Variants in PARN observed in about 807,000 individuals in gnomAD.
PARN encodes the protein poly(A)-specific ribonuclease.
PARN carries 71 observed loss-of-function variants against 102.8 expected under a neutral mutation model. The observed-to-expected ratio is 0.69, with a 90% confidence interval of 0.57 to 0.84. PARN has a LOEUF of 0.84. Among genes scored for constraint, PARN ranks in the 40% least tolerant of loss-of-function variants. The probability of loss-of-function intolerance (pLI) is 0.00; values close to 1 mark genes in which losing one functional copy is unlikely to be tolerated. For missense variants in PARN, 782 were observed against 760.9 expected (o/e 1.03, Z -0.33); for synonymous variants, 261 against 252.9 (o/e 1.03, Z -0.30).
chr16:14,584,552 G>T lies in PARN; in HGVS notation c.1006-130C>A, dbSNP rs946468529. 15 of 821,848 alleles carry T rather than the reference G, an allele frequency of 1.8e-5. No homozygotes were observed. In the Admixed American group the frequency reaches 3.1e-4, roughly 17 times the overall value. 50.9% of individuals were successfully genotyped at this position (821,848 alleles called of 1,614,324 possible). ...TCCTTGTGTTCTTTAAAGAAACACA[G>T]AAGTCTTCGTTTTTTTCAATGTGAA... is the stretch of plus-strand genomic sequence containing the variant. On this transcript the variant is annotated intron_variant, in intron 15 of 23. Coordinates refer to ENST00000437198, the MANE Select transcript of PARN (RefSeq NM_002582.4).
At chr16:14,532,096 T>A (rs1373585655) in intron 21 of PARN, among the ~76,000 whole-genome samples, 1 of 151,826 alleles carries the variant, frequency 6.6e-6, no homozygotes, top group African/African-American at 2.4e-5. Context: ...ATATAAAACT[T>A]GCTTTAACCA....
chr16:14,589,409 A>T (rs979991895), intron 13 of PARN, among the ~76,000 whole-genome samples: 1 of 151,552 alleles, frequency 6.6e-6, no homozygotes, highest in African/African-American at 2.4e-5. Context: ...CAAAACTTTC[A>T]AAACAATTAG....
intron 18 of PARN, among the ~76,000 whole-genome samples, chr16:14,572,940 G>C (rs1437436264): frequency 6.6e-6 from 1 of 151,040 alleles, no homozygotes; most frequent in Non-Finnish European, 1.5e-5. Context: ...CAAAGCTGGA[G>C]TGCAGTGCTG....
intron 18 of PARN, among the ~76,000 whole-genome samples, chr16:14,577,332 C>T (rs1192413683): frequency 1.3e-5 from 2 of 152,244 alleles, no homozygotes; most frequent in Non-Finnish European, 2.9e-5. Context: ...AAATCACCTG[C>T]AAGTAAGTAA....
At chr16:14,610,059 AAAT>A (rs1971432700) in intron 7 of PARN, among the ~76,000 whole-genome samples, 1 of 152,192 alleles carries the variant, frequency 6.6e-6, no homozygotes, top group Admixed American at 6.5e-5. Context: ...AAAAAAAATA[AAAT>A]AAAATAAAAA....
At chr16:14,456,414 T>A (rs1171578462) in intron 22 of PARN, among the ~76,000 whole-genome samples, 1 of 152,034 alleles carries the variant, frequency 6.6e-6, no homozygotes, top group Non-Finnish European at 1.5e-5. Context: ...GCTCAACTGA[T>A]CCTCCCTCCT....
At chr16:14,555,079 T>C (rs1388632735) in intron 19 of PARN, among the ~76,000 whole-genome samples, 5 of 152,272 alleles carry the variant, frequency 3.3e-5, no homozygotes, top group South Asian at 4.1e-4. Context: ...CAGTATGTCC[T>C]CAAACTATCA....
intron 11 of PARN, among the ~76,000 whole-genome samples, chr16:14,603,451 C>T (rs1024374458): frequency 4.6e-5 from 7 of 152,064 alleles, no homozygotes; most frequent in East Asian, 1.9e-4. Context: ...TTCCCCCAAC[C>T]GATGTCACTC....
rs1964136227 is a variant in PARN, at chr16:14,493,020, A to G, written c.1481-10193T>C. ...AATCACAAATATATAATTCAGACAA[A>G]AAGAACTTTGCCAAAGCCAATATAA... On this transcript the variant is annotated intron_variant, in intron 21 of 23. Coordinates refer to ENST00000437198, the MANE Select transcript of PARN (RefSeq NM_002582.4). Among the ~76,000 whole-genome samples the G allele has an allele frequency of 2.0e-5, 3 of 152,206 alleles. No individual in the cohort carries two copies. In the South Asian group the frequency reaches 6.2e-4, roughly 31 times the overall value.
chr16:14,514,783 C>T (rs948390080), intron 21 of PARN, among the ~76,000 whole-genome samples: 6 of 152,194 alleles, frequency 3.9e-5, no homozygotes, highest in Admixed American at 1.3e-4. Context: ...GCTTGTCTTC[C>T]AGCTTCCCAA....
chr16:14,530,701 T>G (rs1183425523), intron 21 of PARN, among the ~76,000 whole-genome samples: 1 of 152,132 alleles, frequency 6.6e-6, no homozygotes, highest in Middle Eastern at 3.2e-3. Context: ...TCCGCCTTCG[T>G]TCATCACTCT....
chr16:14,563,522 G>GTATATATA lies in PARN; in HGVS notation c.1263-7814_1263-7813insTATATATA, dbSNP rs1555499416. Reference sequence around the variant, plus strand: ...TGTGTGTGTGTGTGTGTGTGTGTGTGTATATAATTCTTTTAAGTTCTGGGA... The same window carrying GTATATATA: ...TGTGTGTGTGTGTGTGTGTGTGTGTGTATATATATATATAATTCTTTTAAGTTCTGGGA... On this transcript the variant is annotated intron_variant, in intron 18 of 23. Coordinates refer to ENST00000437198, the MANE Select transcript of PARN (RefSeq NM_002582.4). Among the ~76,000 whole-genome samples, 529 of 149,254 alleles carry GTATATATA rather than the reference G, an allele frequency of 3.5e-3. 4 individuals are homozygous for GTATATATA. The highest frequency in any genetic ancestry group is 9.8e-3 in the African/African-American group (395 of 40,392).
At chr16:14,451,165 T>C (rs1961427479) in intron 22 of PARN, among the ~76,000 whole-genome samples, 1 of 152,128 alleles carries the variant, frequency 6.6e-6, no homozygotes, top group Non-Finnish European at 1.5e-5. Context: ...CCACCAGAAG[T>C]TTACTGGCCC....
At chr16:14,489,112 G>C (rs188797367) in intron 21 of PARN, among the ~76,000 whole-genome samples, 10 of 152,140 alleles carry the variant, frequency 6.6e-5, no homozygotes, top group African/African-American at 2.2e-4. Context: ...CATGGCGGGG[G>C]TGTGTATGAG....
At chr16:14,616,023 T>A (rs1971878885) in intron 6 of PARN, among the ~76,000 whole-genome samples, 1 of 152,196 alleles carries the variant, frequency 6.6e-6, no homozygotes, top group African/African-American at 2.4e-5. Context: ...AGTTCAGTTA[T>A]TTTTGTTGGG....
intron 21 of PARN, among the ~76,000 whole-genome samples, chr16:14,539,645 T>C (rs1445669967): frequency 6.6e-6 from 1 of 152,238 alleles, no homozygotes; most frequent in Non-Finnish European, 1.5e-5. Flanking sequence ...CAGTTGCTTT[T>C]ACAAGTTTTC....
In PARN at chr16:14,554,248, A is replaced by C. The variant is rs1967514979; in HGVS notation, c.1319-97T>G. ...AACTAAGTCTGAGCTAATTTGGAGAACTGTTATGAATTCCTCATGATTACC... is the reference window on the plus strand; with the variant it reads ...AACTAAGTCTGAGCTAATTTGGAGACCTGTTATGAATTCCTCATGATTACC... On this transcript the variant is annotated intron_variant, in intron 19 of 23. Transcript: ENST00000437198. 1.8e-5 allele frequency: 14 copies of C among 769,750 alleles called. No homozygotes were observed. The South Asian group carries it at 2.4e-4, about 13-fold the overall frequency. 47.7% of individuals were successfully genotyped at this position (769,750 alleles called of 1,614,324 possible).
At chr16:14,544,194 A>T (rs1367341474) in intron 21 of PARN, among the ~76,000 whole-genome samples, 1 of 152,186 alleles carries the variant, frequency 6.6e-6, no homozygotes, top group East Asian at 1.9e-4. Context: ...TCCATCTCAA[A>T]AAAAAGAAAA....
intron 12 of PARN, 113 bp from the exon 13 acceptor site, chr16:14,593,491 T>TAAAAAAAA (rs1567426174): frequency 2.5e-4 from 7 of 27,614 alleles, no homozygotes; most frequent in Non-Finnish European, 3.3e-4. Context: ...CTTTCCAGAC[T>TAAAAAAAA]TAAAAAAAAA....
Sources: allele counts gnomAD v4.1 joint callset (sites outside exome capture counted in the v4.1 genomes callset), GRCh38; gene constraint gnomAD v4.1.1; transcripts MANE v1.5; gene names NCBI Gene and HGNC (gene_info 2026-07-23, HGNC 2026-07-21).